The following CSMD1 variants were observed in gnomAD, a reference collection of about 807,000 sequenced individuals.
CSMD1 encodes CUB and Sushi multiple domains 1, also known as CUB and sushi domain-containing protein 1.
CSMD1 carries 213 observed loss-of-function variants against 417.5 expected under a neutral mutation model. The observed-to-expected ratio is 0.51, with a 90% CI of 0.46 to 0.57. The LOEUF is 0.57. Ranked by LOEUF, CSMD1 falls within the 20% of genes least tolerant of loss-of-function variation. The pLI, the probability that CSMD1 is intolerant of heterozygous loss-of-function variation, is 0.00. For missense variants in CSMD1, 6,923 were observed against 4,529.7 expected, an observed-to-expected ratio of 1.53 and a Z score of -15.17; for synonymous variants, 2,862 against 1,736.8, an observed-to-expected ratio of 1.65 and a Z score of -16.11.
intron 37 of CSMD1, among the ~76,000 whole-genome samples, chr8:3,168,051 T>G (rs1379042453): frequency 7.9e-6 from 1 of 126,398 alleles, no homozygotes; most frequent in South Asian, 3.2e-4. Context: ...AACATCACAA[T>G]TAGAAAAAAA....
intron 3 of CSMD1, among the ~76,000 whole-genome samples, chr8:4,229,838 G>A (rs1379483190): frequency 1.3e-5 from 2 of 152,100 alleles, no homozygotes; most frequent in Non-Finnish European, 2.9e-5. Context: ...AAGAGGGCCG[G>A]GATTTTATCG....
chr8:4,605,495 A>G (rs927422885), intron 2 of CSMD1, among the ~76,000 whole-genome samples: 4 of 152,182 alleles, frequency 2.6e-5, no homozygotes, highest in African/African-American at 9.7e-5. Context: ...CCGACTGCCA[A>G]TTTACCTAAT....
intron 10 of CSMD1, among the ~76,000 whole-genome samples, chr8:3,511,830 A>AACAAT (rs1797086734): frequency 6.6e-6 from 1 of 150,870 alleles, no homozygotes; most frequent in Non-Finnish European, 1.5e-5. Flanking sequence ...AACAATAAAT[A>AACAAT]AAATAAAATA....
intron 3 of CSMD1, among the ~76,000 whole-genome samples, chr8:4,163,885 G>A (rs935843398): frequency 1.3e-5 from 2 of 152,074 alleles, no homozygotes; most frequent in Non-Finnish European, 2.9e-5. Context: ...GAGAAACACT[G>A]GGTTTGAATC....
intron 3 of CSMD1, among the ~76,000 whole-genome samples, chr8:4,300,055 C>A (rs189615553): frequency 1.3e-5 from 2 of 152,212 alleles, no homozygotes; most frequent in African/African-American, 4.8e-5. Context: ...GGAAGAACTT[C>A]TCATACATGT....
intron 3 of CSMD1, among the ~76,000 whole-genome samples, chr8:4,224,778 CTTAAAATG>C (rs903117201): frequency 5.3e-5 from 8 of 152,142 alleles, no homozygotes; most frequent in Non-Finnish European, 1.2e-4. Context: ...ACTCAAAACT[CTTAAAATG>C]TTAAAATGTG....
At chr8:3,833,537 C>T (rs1010247536) in intron 5 of CSMD1, among the ~76,000 whole-genome samples, 9 of 152,038 alleles carry the variant, frequency 5.9e-5, no homozygotes, top group African/African-American at 2.2e-4. Context: ...AATGAAGAAG[C>T]ACTTTTTTTG....
intron 5 of CSMD1, among the ~76,000 whole-genome samples, chr8:3,773,089 C>G (rs1798705029): frequency 6.6e-6 from 1 of 152,110 alleles, no homozygotes; most frequent in Non-Finnish European, 1.5e-5. Flanking sequence ...GGACACTAAT[C>G]ACACTCACGA....
In CSMD1 at chr8:3,950,110, T is replaced by C. The variant is rs373412437; in HGVS notation, c.818+47793A>G. On this transcript the variant is annotated intron_variant, in intron 5 of 69. Transcript: ENST00000635120. ...TCTTCCTTAAAGGCAATGATAATAA[T>C]AATTAGACACGTTACACTGACCTGC... Among the ~76,000 whole-genome samples, 69 of 152,252 alleles carry C rather than the reference T, an allele frequency of 4.5e-4. No homozygotes were observed. The East Asian group carries it at 5.8e-3, about 13-fold the overall frequency.
intron 1 of CSMD1, among the ~76,000 whole-genome samples, chr8:4,854,286 C>T (rs769417239): frequency 6.6e-6 from 1 of 152,094 alleles, no homozygotes; most frequent in Non-Finnish European, 1.5e-5. Flanking sequence ...GGAGACAGGG[C>T]TTGGTAGGAG....
chr8:3,916,608 A>C (rs899816092), intron 5 of CSMD1, among the ~76,000 whole-genome samples: 10 of 152,184 alleles, frequency 6.6e-5, no homozygotes, highest in African/African-American at 2.4e-4. Context: ...GAACTTTAGT[A>C]GGCGACTGCA....
At chr8:3,039,821 C>G (rs7010305) in intron 50 of CSMD1, among the ~76,000 whole-genome samples, 11,672 of 152,184 alleles carry the variant, frequency 0.077, 1,489 homozygotes, top group African/African-American at 0.26. Flanking sequence ...AAAAATTAAG[C>G]TCGTTTAGCA....
chr8:4,090,247 G>T (rs535809534), intron 3 of CSMD1, among the ~76,000 whole-genome samples: 2 of 152,176 alleles, frequency 1.3e-5, no homozygotes. Context: ...AAGTTATCAC[G>T]TAAGCCCTGT....
chr8:3,891,873 T>A (rs1423441888), intron 5 of CSMD1, among the ~76,000 whole-genome samples: 1 of 152,186 alleles, frequency 6.6e-6, no homozygotes, highest in East Asian at 1.9e-4. Flanking sequence ...AAAGGCTAGT[T>A]ACTGACACGT....
rs191227755 is a variant in CSMD1, at chr8:3,871,013, T to A, written c.819-116971A>T. Reference sequence around the variant, plus strand: ...CTCATTCAATGTGTTATAATTTTTTTAAAAAAATTCAATACATATAAATCT... The same window carrying A: ...CTCATTCAATGTGTTATAATTTTTTAAAAAAAATTCAATACATATAAATCT... On this transcript the variant is annotated intron_variant, in intron 5 of 69. Transcript: ENST00000635120. Among the ~76,000 whole-genome samples the A allele has an allele frequency of 3.0e-3, 462 of 152,152 alleles. 5 individuals carry two copies. Among genetic ancestry groups the A allele is most frequent in the East Asian group, 0.019 (97 of 5,182 alleles).
At chr8:3,966,438 A>G (rs899993020) in intron 5 of CSMD1, among the ~76,000 whole-genome samples, 1 of 152,106 alleles carries the variant, frequency 6.6e-6, no homozygotes, top group Non-Finnish European at 1.5e-5. Flanking sequence ...ATATATAATT[A>G]CCTACATATA....
intron 5 of CSMD1, among the ~76,000 whole-genome samples, chr8:3,819,532 CTACA>C (rs1563112195): frequency 4.0e-5 from 2 of 49,734 alleles, no homozygotes; most frequent in African/African-American, 7.8e-5. Context: ...AAGGTGATTT[CTACA>C]CACACACACA....
intron 5 of CSMD1, among the ~76,000 whole-genome samples, chr8:3,919,947 C>G (rs1415014401): frequency 1.3e-5 from 2 of 152,028 alleles, no homozygotes; most frequent in Non-Finnish European, 2.9e-5. Flanking sequence ...CTCAGAAACA[C>G]AACTGAGTCT....
chr8:4,200,968 C>T (rs901244582), intron 3 of CSMD1, among the ~76,000 whole-genome samples: 6 of 152,102 alleles, frequency 3.9e-5, no homozygotes, highest in Non-Finnish European at 5.9e-5. Flanking sequence ...AGAAAGTTGT[C>T]TTATTAGTTT....
Sources: allele counts gnomAD v4.1 joint callset (sites outside exome capture counted in the v4.1 genomes callset), GRCh38; gene constraint gnomAD v4.1.1; transcripts MANE v1.5; gene names NCBI Gene and HGNC (gene_info 2026-07-23, HGNC 2026-07-21).